KLK9: variants seen among roughly 807,000 people sequenced by gnomAD.
KLK9 encodes kallikrein-9.
KLK9 carries 26 observed loss-of-function variants against 23.3 expected under a neutral mutation model. The ratio of observed to expected loss-of-function variants is 1.12; its 90% CI spans 0.82 to 1.55. The LOEUF is 1.55. Ranked by LOEUF, KLK9 falls within the 40% of genes most tolerant of loss-of-function variation. The pLI, the probability that KLK9 is intolerant of heterozygous loss-of-function variation, is 0.00. For synonymous variants in KLK9, 122 were observed against 128.5 expected (o/e 0.95, Z 0.34); for missense variants, 346 against 333.7 (o/e 1.04, Z -0.29).
intron 2 of KLK9, among the ~76,000 whole-genome samples, chr19:51,008,812 G>T (rs554585505): frequency 9.2e-5 from 14 of 152,070 alleles, no homozygotes; most frequent in Non-Finnish European, 1.9e-4. Flanking sequence ...CATGTGGCTG[G>T]CATCATAATT....
In KLK9 at chr19:51,006,270, C is replaced by T. The variant is rs1291013780; in HGVS notation, c.466+188G>A. On this transcript the variant is annotated intron_variant, in intron 3 of 4. Transcript: ENST00000594211. The surrounding 1 kb of genome is among the most constrained non-coding windows in gnomAD (Gnocchi z 4.1). ...CCTCCTCCTCCTTCTTCCACTTCTTCGCAGTTCATGAAATAATGGCACATC... is the reference window on the plus strand; with the variant it reads ...CCTCCTCCTCCTTCTTCCACTTCTTTGCAGTTCATGAAATAATGGCACATC... Among the ~76,000 whole-genome samples the T allele has an allele frequency of 1.3e-5, 2 of 151,864 alleles. No individual in the cohort carries two copies. The highest frequency in any genetic ancestry group is 2.1e-4 in the South Asian group (1 of 4,824).
chr19:51,005,083 G>A (rs1215355088), intron 3 of KLK9, among the ~76,000 whole-genome samples: 1 of 152,188 alleles, frequency 6.6e-6, no homozygotes, highest in Non-Finnish European at 1.5e-5. Context: ...TTGGGAATGT[G>A]AGTTCTTCAA....
In KLK9 at chr19:51,003,267, G is replaced by A. The variant is rs368997876; in HGVS notation, c.604-7C>T. The A allele has an allele frequency of 1.4e-5, 22 of 1,610,000 alleles. No homozygotes were observed. Among genetic ancestry groups the A allele is most frequent in the Admixed American group, 1.3e-4 (8 of 59,726 alleles). ...GGGGGCCCCCAGAGTCACCCTGTAC[G>A]CGAGAGAAGGGCAGAGGAACTGTTA... On this transcript the variant is annotated splice_region_variant and splice_polypyrimidine_tract_variant and intron_variant, in intron 4 of 4. Coordinates refer to ENST00000594211, the MANE Select transcript of KLK9 (RefSeq NM_012315.2).
At chr19:51,003,986 A>G (rs774514256) in intron 3 of KLK9, 146 bp from the exon 4 acceptor site, 2 of 643,760 alleles carry the variant, frequency 3.1e-6, no homozygotes, top group Non-Finnish European at 5.4e-6. Context: ...AGACAGTGAC[A>G]GACAGACAGT....
Position 51,009,222 on chromosome 19 carries a change from C to G in KLK9, c.161G>C (p.Ser54Thr). Residue 54 changes from serine to threonine, a missense_variant, in exon 2 of 5, where the codon AGT (serine) becomes ACT (threonine). Coordinates refer to ENST00000594211, the MANE Select transcript of KLK9 (RefSeq NM_012315.2). This position sits in a 1 kb window ranked among gnomAD's most constrained non-coding sequence, Gnocchi z 4.8. ...GGCAGCTGTGAGCAGCCAGCGGTCA[C>G]TGATGAGGGTCGCCCCACAGAAGAG... ...TRLFCGATLISDRWLLTAAHC... is the reference protein window; with the variant it reads ...TRLFCGATLITDRWLLTAAHC... 1.9e-6 allele frequency: 3 copies of G among 1,610,256 alleles called. No homozygotes were observed. Among genetic ancestry groups the G allele is most frequent in the Non-Finnish European group, 2.5e-6 (3 of 1,179,220 alleles).
In KLK9 at chr19:51,009,098, C is replaced by T. The variant is rs2066975; in HGVS notation, c.200+85G>A. ...CTTGTGGTATCAGAAGTGGAGGCTC[C>T]GCACTTCTGGCCTAAAGCACCCCTC... On this transcript the variant is annotated intron_variant, in intron 2 of 4. Transcript: ENST00000594211. The surrounding 1 kb of genome is among the most constrained non-coding windows in gnomAD (Gnocchi z 4.8). 9.5e-3 allele frequency: 13,634 copies of T among 1,438,930 alleles called. 644 individuals carry two copies. In the East Asian group the frequency reaches 0.14, roughly 14 times the overall value. 89.1% of individuals were successfully genotyped at this position (1,438,930 alleles called of 1,614,324 possible).
In KLK9 at chr19:51,002,892, A is replaced by G. The variant is rs2659096; in HGVS notation, c.*219T>C. On this transcript the variant is annotated 3_prime_UTR_variant, in exon 5 of 5. Coordinates refer to ENST00000594211, the MANE Select transcript of KLK9 (RefSeq NM_012315.2). ...GTGACGTCATAGAGACGGGCTCTGA[A>G]GGGCGTGTCCCTGCTCCGTTCCGAG... 0.36 allele frequency: 178,321 copies of G among 495,502 alleles called. 33,812 individuals carry two copies. Among genetic ancestry groups the G allele is most frequent in the African/African-American group, 0.53 (27,091 of 50,982 alleles). 30.7% of individuals were successfully genotyped at this position (495,502 alleles called of 1,614,324 possible).
Position 51,002,539 on chromosome 19 carries a change from T to A in KLK9, c.*572A>T, listed in dbSNP as rs1482584916. ...GAGGTTTCCCGCGTTTACTGAAAAA[T>A]CATCCGTTGCATTGGCTCTAAAGGT... On this transcript the variant is annotated 3_prime_UTR_variant, in exon 5 of 5. Coordinates refer to ENST00000594211, the MANE Select transcript of KLK9 (RefSeq NM_012315.2). 1 of 152,336 alleles carries A rather than the reference T, an allele frequency of 6.6e-6. No individual in the cohort carries two copies. 9.4% of individuals were successfully genotyped at this position (152,336 alleles called of 1,614,324 possible).
At chr19:51,005,324 C>CT (rs1375461044) in intron 3 of KLK9, among the ~76,000 whole-genome samples, 1 of 152,176 alleles carries the variant, frequency 6.6e-6, no homozygotes, top group Non-Finnish European at 1.5e-5. Flanking sequence ...AATCTCAGCA[C>CT]TTTGGGAGGC....
At position 51,003,005 on chromosome 19, in the gene KLK9, G is replaced by A; in HGVS notation, c.*106C>T. 1.5e-6 allele frequency: 2 copies of A among 1,352,076 alleles called. No homozygotes were observed. The highest frequency in any genetic ancestry group is 2.0e-6 in the Non-Finnish European group (2 of 1,002,610). The allele number at this position is 1,352,076 out of a possible 1,614,324, so 83.8% of individuals were successfully genotyped here. On this transcript the variant is annotated 3_prime_UTR_variant, in exon 5 of 5. Coordinates refer to ENST00000594211, the MANE Select transcript of KLK9 (RefSeq NM_012315.2). Reference sequence around the variant, plus strand: ...TGTCCAGAGGGGAGTCAGGGCAGCTGGAGGTCCAGGGCGGGAACCATTGAG... The same window carrying A: ...TGTCCAGAGGGGAGTCAGGGCAGCTAGAGGTCCAGGGCGGGAACCATTGAG...
chr19:51,006,828 C>T lies in KLK9; in HGVS notation c.201-105G>A, dbSNP rs1038303637. The T allele has an allele frequency of 1.6e-6, 2 of 1,224,094 alleles. No individual in the cohort carries two copies. The highest frequency in any genetic ancestry group is 1.6e-5 in the South Asian group (1 of 62,584). 75.8% of individuals were successfully genotyped at this position (1,224,094 alleles called of 1,614,324 possible). On this transcript the variant is annotated intron_variant, in intron 2 of 4. Transcript: ENST00000594211. This position sits in a 1 kb window ranked among gnomAD's most constrained non-coding sequence, Gnocchi z 4.1. ...AGGGTGCTGTGTGACCCTCTGCAAG[C>T]CACACACCCTCTCTGCACCCTCATC...
Position 51,003,155 on chromosome 19 carries a change from C to T in KLK9, c.709G>A (p.Val237Ile). The change falls in exon 5 of 5, where the codon GTA becomes ATA. Residue 237 changes from valine to isoleucine, a missense_variant. Physicochemically the swap from Val to Ile is conservative, Grantham distance 29. Coordinates refer to ENST00000594211, the MANE Select transcript of KLK9 (RefSeq NM_012315.2). ...RPRRPAVYTS[V>I]CHYLDWIQEI... Reference sequence around the variant, plus strand: ...TGGATCCAGTCAAGGTAGTGGCATACGCTGGTGTAGACTGCGGGGCGCCGG... The same window carrying T: ...TGGATCCAGTCAAGGTAGTGGCATATGCTGGTGTAGACTGCGGGGCGCCGG... 2 of 1,612,702 alleles carry T rather than the reference C, an allele frequency of 1.2e-6. No homozygotes were observed. Among genetic ancestry groups the T allele is most frequent in the Non-Finnish European group, 1.7e-6 (2 of 1,179,684 alleles).
Position 51,003,084 on chromosome 19 carries a change from T to C in KLK9, c.*27A>G, listed in dbSNP as rs1238919162. ...CGTGCCCTTCGGCCTCTCTTGGTCT[T>C]CCAAGGTGCCCCCGTGGCGCGCGGG... On this transcript the variant is annotated 3_prime_UTR_variant, in exon 5 of 5. Coordinates refer to ENST00000594211, the MANE Select transcript of KLK9 (RefSeq NM_012315.2). The C allele has an allele frequency of 6.3e-7, 1 of 1,592,562 alleles. No homozygotes were observed. Among genetic ancestry groups the C allele is most frequent in the African/African-American group, 1.3e-5 (1 of 74,560 alleles).
At chr19:51,004,899 A>G (rs924794524) in intron 3 of KLK9, among the ~76,000 whole-genome samples, 1 of 152,152 alleles carries the variant, frequency 6.6e-6, no homozygotes, top group Non-Finnish European at 1.5e-5. Flanking sequence ...TATATAAGAC[A>G]TGGGTGCAGG....
Position 51,009,275 on chromosome 19 carries a change from C to T in KLK9, c.108G>A (p.Trp36Ter). 1 of 1,605,338 alleles carries T rather than the reference C, an allele frequency of 6.2e-7. No homozygotes were observed. Among genetic ancestry groups the T allele is most frequent in the Non-Finnish European group, 8.5e-7 (1 of 1,176,480 alleles). ...GAGTAAGGTGGAAGAGGCCGGCCTGCCAAGGCTGGGAGTTGGGGCGACATT... is the reference window on the plus strand; with the variant it reads ...GAGTAAGGTGGAAGAGGCCGGCCTGTCAAGGCTGGGAGTTGGGGCGACATT... ...AEECRPNSQPWQAGLFHLTRL... is the reference protein window; with the variant it reads ...AEECRPNSQP Residue 36 changes from tryptophan (W) to a stop codon, truncating the protein, a stop_gained, in exon 2 of 5, where the codon TGG (tryptophan) becomes TGA (stop). Transcript: ENST00000594211. LOFTEE classifies it high-confidence loss of function. The surrounding 1 kb of genome is among the most constrained non-coding windows in gnomAD (Gnocchi z 4.8).
Position 51,003,209 on chromosome 19 carries a change from A to C in KLK9, c.655T>G (p.Ser219Ala), listed in dbSNP as rs776894732. 6.2e-7 allele frequency: 1 copy of C among 1,612,966 alleles called. No homozygotes were observed. The change falls in exon 5 of 5, where the codon TCT becomes GCT. Residue 219 changes from serine (S) to alanine (A), a missense_variant. By Grantham distance (99) the Ser-to-Ala change is moderately conservative. Coordinates refer to ENST00000594211, the MANE Select transcript of KLK9 (RefSeq NM_012315.2). ...VCNGTLAGVV[S>A]GGAEPCSRPR... ...CTGGAGCAGGGCTCAGCACCCCCAGACACCACGCCTGCCAAGGTTCCATTG... is the reference window on the plus strand; with the variant it reads ...CTGGAGCAGGGCTCAGCACCCCCAGCCACCACGCCTGCCAAGGTTCCATTG...
chr19:51,009,168 G>A lies in KLK9; in HGVS notation c.200+15C>T, dbSNP rs895103261. ...CCTCTGTCCCTCCCCAGCATGGCCA[G>A]CCTGGGTCACTCACGGCTTGCGGCA... On this transcript the variant is annotated intron_variant, in intron 2 of 4. Coordinates refer to ENST00000594211, the MANE Select transcript of KLK9 (RefSeq NM_012315.2). This position sits in a 1 kb window ranked among gnomAD's most constrained non-coding sequence, Gnocchi z 4.8. 1.9e-6 allele frequency: 3 copies of A among 1,603,318 alleles called. No homozygotes were observed. The highest frequency in any genetic ancestry group is 2.7e-5 in the African/African-American group (2 of 74,778).
Position 51,002,906 on chromosome 19 carries a change from C to G in KLK9, c.*205G>C. 1.7e-6 allele frequency: 1 copy of G among 588,812 alleles called. No homozygotes were observed. The highest frequency in any genetic ancestry group is 2.9e-6 in the Non-Finnish European group (1 of 342,148). The allele number at this position is 588,812 out of a possible 1,614,324, so 36.5% of individuals were successfully genotyped here. ...ACGGGCTCTGAAGGGCGTGTCCCTG[C>G]TCCGTTCCGAGGGGGCGCGACTGTG... On this transcript the variant is annotated 3_prime_UTR_variant, in exon 5 of 5. Coordinates refer to ENST00000594211, the MANE Select transcript of KLK9 (RefSeq NM_012315.2).
rs990653513 is a variant in KLK9 at position 51,002,716 on chromosome 19, C to T, written c.*395G>A. On this transcript the variant is annotated 3_prime_UTR_variant, in exon 5 of 5. Coordinates refer to ENST00000594211, the MANE Select transcript of KLK9 (RefSeq NM_012315.2). The stretch of plus-strand genomic sequence containing the variant: ...CCCCTGACATCACGAGGGGCGAGAT[C>T]TCTGGTGAAGGAGGCGGGGCCACAA... The T allele has an allele frequency of 6.0e-6, 1 of 167,674 alleles. No homozygotes were observed. Among genetic ancestry groups the T allele is most frequent in the Non-Finnish European group, 1.3e-5 (1 of 78,750 alleles). The allele number at this position is 167,674 out of a possible 1,614,324, so 10.4% of individuals were successfully genotyped here.
Sources: gnomAD v4.1 joint callset for allele counts (sites outside exome capture counted in the v4.1 genomes callset) on GRCh38, gnomAD v4.1.1 for gene constraint, Gnocchi (gnomAD v3.1) non-coding constraint, MANE v1.5 for transcripts, NCBI Gene and HGNC (gene_info 2026-07-23, HGNC 2026-07-21) for gene names.